Variants in FUBP3 observed in about 807,000 individuals in gnomAD.
The protein encoded by FUBP3 is far upstream element-binding protein 3.
In FUBP3, 28 loss-of-function variants were observed where a neutral mutation model predicts 85.6. The observed-to-expected ratio is 0.33, with a 90% CI of 0.24 to 0.45. FUBP3 has a LOEUF of 0.45. FUBP3 is among the 20% of genes least tolerant of loss of function. FUBP3 has a pLI of 1.00. For synonymous variants in FUBP3, 271 were observed against 271.4 expected (o/e 1.00, Z 0.01); for missense variants, 583 against 755.1 (o/e 0.77, Z 2.67).
chr9:130,621,647 C>T (rs778240075), intron 9 of FUBP3, among the ~76,000 whole-genome samples: 3 of 152,226 alleles, frequency 2.0e-5, no homozygotes, highest in Non-Finnish European at 2.9e-5. Context: ...TGGCTCACGC[C>T]TGTAATCCCA....
At chr9:130,622,906 G>A (rs1829817523) in intron 10 of FUBP3, 96 bp downstream of exon 10, 5 of 560,854 alleles carry the variant, frequency 8.9e-6, no homozygotes, top group Non-Finnish European at 1.5e-5. Flanking sequence ...CAAGGGCTTG[G>A]CTATTGGTTC....
intron 1 of FUBP3, among the ~76,000 whole-genome samples, chr9:130,589,703 ATATTTTT>A (rs1337304270): frequency 2.1e-4 from 6 of 28,586 alleles, no homozygotes; most frequent in African/African-American, 6.1e-4. Context: ...ATATATATAT[ATATTTTT>A]TTTTTTTTTT....
chr9:130,599,209 T>C (rs1353938107), intron 2 of FUBP3, among the ~76,000 whole-genome samples: 1 of 151,846 alleles, frequency 6.6e-6, no homozygotes, highest in African/African-American at 2.4e-5. Flanking sequence ...GGAGAATCAC[T>C]TGAACCTGGG....
intron 16 of FUBP3, among the ~76,000 whole-genome samples, chr9:130,632,634 T>C (rs1830261443): frequency 6.6e-6 from 1 of 152,238 alleles, no homozygotes; most frequent in Admixed American, 6.5e-5. Context: ...CTCCACCCCT[T>C]GAGGGGCTGG....
At chr9:130,615,655 C>T (rs144187589) in intron 6 of FUBP3, among the ~76,000 whole-genome samples, 1 of 152,284 alleles carries the variant, frequency 6.6e-6, no homozygotes, top group Non-Finnish European at 1.5e-5. Context: ...CTCCCGCTGC[C>T]CAAGAAACCA....
chr9:130,622,398 G>A (rs1186409475), intron 9 of FUBP3, among the ~76,000 whole-genome samples: 2 of 149,988 alleles, frequency 1.3e-5, no homozygotes, highest in Non-Finnish European at 3.0e-5. Flanking sequence ...TTGGGAGGCC[G>A]AGGTGGGCGG....
At chr9:130,599,164 C>T (rs151213035) in intron 2 of FUBP3, among the ~76,000 whole-genome samples, 175 of 152,158 alleles carry the variant, frequency 1.2e-3, no homozygotes, top group African/African-American at 4.0e-3. Flanking sequence ...TCATGGCACG[C>T]GCCTGTAGTC....
rs940854220 is a variant in FUBP3 at position 130,605,940 on chromosome 9, C to T, written c.191-4014C>T. The stretch of plus-strand genomic sequence containing the variant: ...CGGAGGTTGCAGTGAGCCGAGATCG[C>T]GCCGCTGCACTCCAGCCTGGGAGAC... On this transcript the variant is annotated intron_variant, in intron 2 of 18. Transcript: ENST00000319725. 1.4e-4 allele frequency among the ~76,000 whole-genome samples: 20 copies of T among 140,442 alleles called. 1 individual carries two copies. The highest frequency in any genetic ancestry group is 4.9e-5 in the African/African-American group (2 of 40,550). The allele number at this position is 140,442 out of a possible 152,430, so 92.1% of individuals were successfully genotyped here.
intron 9 of FUBP3, among the ~76,000 whole-genome samples, chr9:130,622,048 C>T (rs777163191): frequency 4.6e-5 from 7 of 151,866 alleles, no homozygotes; most frequent in Admixed American, 1.3e-4. Flanking sequence ...CTGGGCCGGG[C>T]GTGGTGGCTC....
intron 12 of FUBP3, among the ~76,000 whole-genome samples, chr9:130,629,846 C>G (rs117068322): frequency 6.6e-6 from 1 of 152,216 alleles, no homozygotes; most frequent in Non-Finnish European, 1.5e-5. Flanking sequence ...CTCCATCCCC[C>G]ACAGAGTTGA....
intron 1 of FUBP3, among the ~76,000 whole-genome samples, chr9:130,587,729 A>C (rs759199226): frequency 4.6e-5 from 7 of 152,150 alleles, no homozygotes; most frequent in Non-Finnish European, 7.3e-5. Flanking sequence ...GAATTCTCTA[A>C]AACTAAACCC....
At chr9:130,615,909 A>G (rs1469897248) in intron 6 of FUBP3, among the ~76,000 whole-genome samples, 2 of 152,202 alleles carry the variant, frequency 1.3e-5, no homozygotes, top group African/African-American at 4.8e-5. Flanking sequence ...CTTTCTTCCC[A>G]TCTTTCTCAT....
rs1376109655 is a variant in FUBP3 at position 130,579,643 on chromosome 9, C to A, written c.-38C>A. ...CCGGGGAGCCGAGCGGCGGCGTCGG[C>A]GGCGTCGGCGGCGGCGGCGACGGCG... On this transcript the variant is annotated 5_prime_UTR_variant, in exon 1 of 19. Coordinates refer to ENST00000319725, the MANE Select transcript of FUBP3 (RefSeq NM_003934.2). 3.3e-6 allele frequency: 4 copies of A among 1,197,104 alleles called. No homozygotes were observed. In the African/African-American group the frequency reaches 6.3e-5, roughly 19 times the overall value. 74.2% of individuals were successfully genotyped at this position (1,197,104 alleles called of 1,614,324 possible). A position where few individuals can be genotyped will look rare whatever the true frequency, so the allele number is the denominator to read the frequency against.
chr9:130,614,754 C>G (rs1164865823), intron 6 of FUBP3, among the ~76,000 whole-genome samples: 1 of 152,164 alleles, frequency 6.6e-6, no homozygotes, highest in African/African-American at 2.4e-5. Flanking sequence ...ATCCCGTTAC[C>G]CTTCTGATAT....
rs139907736 is a variant in FUBP3, at chr9:130,598,681, T to A, written c.190+3093T>A. The stretch of plus-strand genomic sequence containing the variant: ...ACAGCGTACTATTTTGGATAAGTAG[T>A]TTAAATGGTTATCTTAGTTCCAGTG... On this transcript the variant is annotated intron_variant, in intron 2 of 18. Transcript: ENST00000319725. Among the ~76,000 whole-genome samples the A allele has an allele frequency of 3.8e-3, 577 of 152,356 alleles. 5 individuals are homozygous for A. The highest frequency in any genetic ancestry group is 0.013 in the African/African-American group (548 of 41,582).
At chr9:130,613,052 T>G in intron 5 of FUBP3, 25 bp downstream of exon 5, 1 of 1,471,712 alleles carries the variant, frequency 6.8e-7, no homozygotes, top group East Asian at 2.3e-5. Context: ...AAAATAGATA[T>G]CAATTTTGTA....
At chr9:130,593,008 A>G (rs988179281) in intron 1 of FUBP3, among the ~76,000 whole-genome samples, 2 of 151,854 alleles carry the variant, frequency 1.3e-5, no homozygotes, top group Non-Finnish European at 2.9e-5. Flanking sequence ...CCATGCTGGC[A>G]AGATTGACTT....
chr9:130,591,680 A>G (rs573963610), intron 1 of FUBP3, among the ~76,000 whole-genome samples: 2 of 152,326 alleles, frequency 1.3e-5, no homozygotes, highest in East Asian at 1.9e-4. Flanking sequence ...GCTGTATCCC[A>G]GCTGTTATTC....
chr9:130,588,746 T>G (rs1830456896), intron 1 of FUBP3, among the ~76,000 whole-genome samples: 1 of 152,202 alleles, frequency 6.6e-6, no homozygotes, highest in Non-Finnish European at 1.5e-5. Flanking sequence ...ATGCACTGTC[T>G]TCTTTGTAAC....
Sources: allele counts gnomAD v4.1 joint callset (sites outside exome capture counted in the v4.1 genomes callset), GRCh38; gene constraint gnomAD v4.1.1; transcripts MANE v1.5; gene names NCBI Gene and HGNC (gene_info 2026-07-23, HGNC 2026-07-21).